The following ACACB variants were observed in gnomAD, a reference collection of about 807,000 sequenced individuals.
The protein encoded by ACACB is acetyl-CoA carboxylase 2.
A neutral mutation model predicts 278.8 loss-of-function variants in ACACB; 209 were observed. That is an observed-to-expected ratio of 0.75 (90% CI 0.67 to 0.84). The LOEUF is 0.84. ACACB is among the 40% of genes least tolerant of loss of function. The pLI is 0.00. For synonymous variants in ACACB, 1,174 were observed against 1,285.6 expected, an observed-to-expected ratio of 0.91 and a Z score of 1.86; for missense variants, 2,850 against 3,269.0, an observed-to-expected ratio of 0.87 and a Z score of 3.13.
In ACACB at chr12:109,206,852, T is replaced by C; in HGVS notation, c.3056T>C (p.Ile1019Thr). 1 of 1,614,144 alleles carries C rather than the reference T, an allele frequency of 6.2e-7. No homozygotes were observed. Among genetic ancestry groups the C allele is most frequent in the South Asian group, 1.1e-5 (1 of 91,078 alleles). The change falls in exon 20 of 53, where the codon ATA (isoleucine) becomes ACA (threonine). Residue 1019 changes from isoleucine to threonine, a missense_variant. Transcript: ENST00000338432. ...TGTCTGCCAGAGCCCGTTTTTAGCATAAAGGTAAAGTCACCTATGAGCGCA... is the reference window on the plus strand; with the variant it reads ...TGTCTGCCAGAGCCCGTTTTTAGCACAAAGGTAAAGTCACCTATGAGCGCA... ...GFCLPEPVFS[I>T]KLKEWVQKLM...
intron 28 of ACACB, among the ~76,000 whole-genome samples, chr12:109,230,621 G>A (rs564509167): frequency 2.6e-5 from 4 of 152,096 alleles, no homozygotes; most frequent in Admixed American, 6.6e-5. Flanking sequence ...CAGAGATGGG[G>A]GTCTCACTAT....
chr12:109,210,438 C>T (rs1212761711), intron 21 of ACACB, among the ~76,000 whole-genome samples: 1 of 120,246 alleles, frequency 8.3e-6, no homozygotes, highest in Non-Finnish European at 1.7e-5. Flanking sequence ...TATACACGCA[C>T]ATACATGTGT....
Position 109,232,723 on chromosome 12 carries a change from G to A in ACACB, c.4056G>A (p.Glu1352=), listed in dbSNP as rs764668971. 1 of 1,614,168 alleles carries A rather than the reference G, an allele frequency of 6.2e-7. No homozygotes were observed. Among genetic ancestry groups the A allele is most frequent in the South Asian group, 1.1e-5 (1 of 91,088 alleles). ...CTGACCTGCTGAGGCACAGCACAGA[G>A]CTCTTCATGGACAGCGGCTTCTCCC... ...TNPDLLRHST[E]LFMDSGFSPL... is the part of the protein sequence containing the mutation. Residue 1352 remains glutamate, a synonymous_variant, in exon 29 of 53, where the codon GAG becomes GAA. Transcript: ENST00000338432.
At position 109,268,068 on chromosome 12, in the gene ACACB, G is replaced by A. The variant is rs2047557963; in HGVS notation, c.*1706G>A. On this transcript the variant is annotated 3_prime_UTR_variant, in exon 53 of 53. Transcript: ENST00000338432. This position sits in a 1 kb window ranked among gnomAD's most constrained non-coding sequence, Gnocchi z 4.2. ...TCCACCCCGAGGTTTGCTGGGGTGA[G>A]GGGAAGAATCGATGCTGCTTTGGGA... 6.6e-6 allele frequency: 1 copy of A among 152,220 alleles called. No individual in the cohort carries two copies. The highest frequency in any genetic ancestry group is 1.5e-5 in the Non-Finnish European group (1 of 68,054). The allele number at this position is 152,220 out of a possible 1,614,324, so 9.4% of individuals were successfully genotyped here. A position where few individuals can be genotyped will look rare whatever the true frequency, so the allele number is the denominator to read the frequency against.
chr12:109,157,268 A>AGTT lies in ACACB; in HGVS notation c.654-9589_654-9587dup, dbSNP rs199532957. On this transcript the variant is annotated intron_variant, in intron 2 of 52. Transcript: ENST00000338432. ...GACTAGCCCTCATAGGCCTTTCTAG[A>AGTT]GTTGTTATTATTATTATTATTATTA... Among the ~76,000 whole-genome samples the AGTT allele has an allele frequency of 4.2e-4, 24 of 57,316 alleles. 1 individual carries two copies. The highest frequency in any genetic ancestry group is 9.0e-4 in the African/African-American group (22 of 24,358). The allele number at this position is 57,316 out of a possible 152,430, so 37.6% of individuals were successfully genotyped here.
chr12:109,255,194 G>A (rs911434641), intron 44 of ACACB, among the ~76,000 whole-genome samples: 1 of 152,138 alleles, frequency 6.6e-6, no homozygotes. Context: ...AAAGGGATGA[G>A]TTTCTCTCTT....
Position 109,191,949 on chromosome 12 carries a change from A to G in ACACB, c.2398A>G (p.Arg800Gly). The G allele has an allele frequency of 6.2e-7, 1 of 1,614,168 alleles. No individual in the cohort carries two copies. Among genetic ancestry groups the G allele is most frequent in the Non-Finnish European group, 8.5e-7 (1 of 1,180,012 alleles). Reference sequence around the variant, plus strand: ...GACAGATTTCTTACACTCCCTGGAAAGGTAGGGGCTGTGGCAGTTCCCTTC... The same window carrying G: ...GACAGATTTCTTACACTCCCTGGAAGGGTAGGGGCTGTGGCAGTTCCCTTC... Reference protein sequence around the residue: ...CMTDFLHSLERGQVLPADSLL... With the variant: ...CMTDFLHSLEGGQVLPADSLL... The change falls in exon 15 of 53, where the codon AGG becomes GGG. Residue 800 changes from arginine to glycine, a missense_variant and splice_region_variant. Physicochemically the swap from Arg to Gly is moderately radical, Grantham distance 125. Transcript: ENST00000338432.
chr12:109,210,381 A>C (rs2045775554), intron 21 of ACACB, among the ~76,000 whole-genome samples: 1 of 141,262 alleles, frequency 7.1e-6, no homozygotes, highest in East Asian at 2.1e-4. Context: ...ACACGCACAC[A>C]CATGTGTATA....
intron 2 of ACACB, among the ~76,000 whole-genome samples, chr12:109,141,638 A>G (rs1247325773): frequency 6.6e-6 from 1 of 152,214 alleles, no homozygotes; most frequent in Non-Finnish European, 1.5e-5. Flanking sequence ...AATTAGAAAA[A>G]TCTAGAGGTG....
chr12:109,235,774 G>C (rs1205340726), intron 33 of ACACB, 127 bp downstream of exon 33: 1 of 805,460 alleles, frequency 1.2e-6, no homozygotes, highest in African/African-American at 1.7e-5. Context: ...GAGGCAGGAG[G>C]TTTGCTTGAG....
At position 109,235,609 on chromosome 12, in the gene ACACB, G is replaced by T. The variant is rs374477026; in HGVS notation, c.4408G>T (p.Glu1470Ter). Reference protein sequence around the residue: ...RITFLIAQEKEFPKFFTFRAR... With the variant: ...RITFLIAQEK ...GTGTGTGGATTTCTTTTTGCAGAAA[G>T]AATTTCCCAAGTTTTTCACATTCAG... Residue 1470 changes from glutamate (E) to a stop codon, truncating the protein, a stop_gained, in exon 33 of 53, where the codon GAA (glutamate) becomes TAA (stop). Transcript: ENST00000338432. LOFTEE classifies it high-confidence loss of function. The T allele has an allele frequency of 2.5e-6, 4 of 1,612,922 alleles. No individual in the cohort carries two copies. The African/African-American group carries it at 4.0e-5, about 16-fold the overall frequency.
intron 11 of ACACB, among the ~76,000 whole-genome samples, chr12:109,182,645 C>T (rs905123070): frequency 6.6e-6 from 1 of 152,216 alleles, no homozygotes; most frequent in Non-Finnish European, 1.5e-5. Flanking sequence ...GCTGGTGTTA[C>T]AGGCATGAGT....
At chr12:109,165,917 C>T (rs2043881433) in intron 2 of ACACB, among the ~76,000 whole-genome samples, 1 of 152,146 alleles carries the variant, frequency 6.6e-6, no homozygotes, top group Non-Finnish European at 1.5e-5. Flanking sequence ...GCATCAGTTT[C>T]CTCTGGTGTG....
At position 109,206,428 on chromosome 12, in the gene ACACB, C is replaced by CAAAA. The variant is rs35315851; in HGVS notation, c.2914-269_2914-266dup. Reference sequence around the variant, plus strand: ...CAGCCTGGGGACAATGCGAGTGTCTCAAAAAAAAAAAAAAAACAGATCTCA... The same window carrying CAAAA: ...CAGCCTGGGGACAATGCGAGTGTCTCAAAAAAAAAAAAAAAAAAAACAGATCTCA... On this transcript the variant is annotated intron_variant, in intron 19 of 52. Coordinates refer to ENST00000338432, the MANE Select transcript of ACACB (RefSeq NM_001093.4). Among the ~76,000 whole-genome samples the CAAAA allele has an allele frequency of 1.5e-3, 133 of 89,744 alleles. 2 individuals carry two copies. The highest frequency in any genetic ancestry group is 7.7e-3 in the East Asian group (27 of 3,510). The allele number at this position is 89,744 out of a possible 152,430, so 58.9% of individuals were successfully genotyped here. A position where few individuals can be genotyped will look rare whatever the true frequency, so the allele number is the denominator to read the frequency against.
intron 45 of ACACB, among the ~76,000 whole-genome samples, 182 bp from the exon 46 acceptor site, chr12:109,258,086 A>G (rs11066004): frequency 0.28 from 43,141 of 152,172 alleles, 7,500 homozygotes; most frequent in Middle Eastern, 0.41. Context: ...AAAGGGCACC[A>G]ATAGGTCTGC....
intron 17 of ACACB, 49 bp downstream of exon 17, chr12:109,197,202 T>C (rs1173017918): frequency 1.9e-6 from 3 of 1,564,384 alleles, no homozygotes; most frequent in Admixed American, 4.1e-5. Flanking sequence ...CACAGCTCTC[T>C]GTCCTAGGCA....
chr12:109,154,543 CG>C (rs1476876227), intron 2 of ACACB: 4 of 133,702 alleles, frequency 3.0e-5, no homozygotes, highest in African/African-American at 1.1e-4. Context: ...AGCTCAGCGG[CG>C]GGTCGGAGGT....
chr12:109,239,643 T>G (rs570206082), intron 34 of ACACB, among the ~76,000 whole-genome samples, 187 bp from the exon 35 acceptor site: 2 of 152,370 alleles, frequency 1.3e-5, no homozygotes, highest in East Asian at 3.9e-4. Context: ...CACATGTCAA[T>G]ACACTCAACA....
Position 109,242,437 on chromosome 12 carries a change from A to G in ACACB, c.5023A>G (p.Ile1675Val). The G allele has an allele frequency of 6.2e-7, 1 of 1,613,480 alleles. No homozygotes were observed. Among genetic ancestry groups the G allele is most frequent in the African/African-American group, 1.3e-5 (1 of 74,988 alleles). ...CTGTTTTCCCTCCTTTCTGGTCCAG[A>G]TCATGTTTCACTCCTTCGGCAACAA... ...KEVTDSRSGNIMFHSFGNKQG... is the reference protein window; with the variant it reads ...KEVTDSRSGNVMFHSFGNKQG... The change falls in exon 37 of 53, where the codon ATC (isoleucine) becomes GTC (valine). Residue 1675 changes from isoleucine to valine, a missense_variant and splice_region_variant. By Grantham distance (29) the Ile-to-Val change is conservative (BLOSUM62 3). This residue lies in a region of ACACB where 2,265 missense variants were observed against 2,561.3 expected (regional missense o/e 0.88). Transcript: ENST00000338432.
Sources: allele counts gnomAD v4.1 joint callset (sites outside exome capture counted in the v4.1 genomes callset), GRCh38; gene constraint gnomAD v4.1.1; regional missense constraint gnomAD v4.1.1; non-coding constraint Gnocchi (gnomAD v3.1); transcripts MANE v1.5; gene names NCBI Gene and HGNC (gene_info 2026-07-23, HGNC 2026-07-21).